TCF24: variants seen among roughly 807,000 people sequenced by gnomAD.
TCF24 encodes transcription factor 24.
In TCF24, 5 loss-of-function variants were observed where a neutral mutation model predicts 9.3. That is an observed-to-expected ratio of 0.54 (90% CI 0.28 to 1.13). TCF24 has a LOEUF of 1.13. Ranked by LOEUF, TCF24 falls within the 50% of genes most tolerant of loss-of-function variation. TCF24 has a pLI of 0.09. For synonymous variants in TCF24, 110 were observed against 115.8 expected, an observed-to-expected ratio of 0.95 and a Z score of 0.32; for missense variants, 220 against 236.1, an observed-to-expected ratio of 0.93 and a Z score of 0.45.
chr8:66,954,168 T>C (rs994980432), intron 3 of TCF24, among the ~76,000 whole-genome samples: 5 of 152,228 alleles, frequency 3.3e-5, no homozygotes, highest in Admixed American at 6.5e-5. Context: ...GGAGGAGAGG[T>C]GCTCTGCATT....
rs1411765265 is a variant in TCF24 at position 66,962,514 on chromosome 8, T to C, written c.-320A>G. On this transcript the variant is annotated 5_prime_UTR_variant, in exon 1 of 4. Transcript: ENST00000563496. ...TGCGGGCGCCCCGCGGCCAGGCGTG[T>C]GTGCTCCGACCGGCTAAGGCAGGTC... 1 of 152,422 alleles carries C rather than the reference T, an allele frequency of 6.6e-6. No homozygotes were observed. Among genetic ancestry groups the C allele is most frequent in the African/African-American group, 2.4e-5 (1 of 41,450 alleles). 9.4% of individuals were successfully genotyped at this position (152,422 alleles called of 1,614,324 possible).
At chr8:66,960,118 C>G (rs1289393708) in intron 3 of TCF24, among the ~76,000 whole-genome samples, 1 of 152,038 alleles carries the variant, frequency 6.6e-6, no homozygotes, top group South Asian at 2.1e-4. Flanking sequence ...ATGGTATATT[C>G]GAATAGCAAT....
At position 66,961,673 on chromosome 8, in the gene TCF24, C is replaced by A; in HGVS notation, c.93G>T (p.Arg31=). The A allele has an allele frequency of 9.0e-6, 10 of 1,112,402 alleles. No individual in the cohort carries two copies. Among genetic ancestry groups the A allele is most frequent in the South Asian group, 4.3e-5 (1 of 23,260 alleles). The allele number at this position is 1,112,402 out of a possible 1,614,324, so 68.9% of individuals were successfully genotyped here. ...AAAIRDSRPG[R]TGPGPAGPGG... is the part of the protein sequence containing the mutation. ...CAGGGCCCGCCGGCCCCGGCCCGGT[C>A]CGCCCGGGACGCGAGTCGCGGATGG... The change falls in exon 3 of 4, where the codon CGG becomes CGT. Residue 31 remains arginine (R), a synonymous_variant. Transcript: ENST00000563496.
chr8:66,957,645 T>C lies in TCF24; in HGVS notation c.390+3731A>G, dbSNP rs1421249690. 2.0e-5 allele frequency among the ~76,000 whole-genome samples: 3 copies of C among 152,080 alleles called. No homozygotes were observed. In the East Asian group the frequency reaches 5.8e-4, roughly 29 times the overall value. On this transcript the variant is annotated intron_variant, in intron 3 of 3. Transcript: ENST00000563496. ...TATTTTGTTATGGCAGACTAATACA[T>C]ATAGTGAATAGTGTAGCACAGATAT... is the stretch of plus-strand genomic sequence containing the variant.
intron 3 of TCF24, among the ~76,000 whole-genome samples, chr8:66,948,614 T>C (rs1813999769): frequency 6.6e-6 from 1 of 152,352 alleles, no homozygotes; most frequent in Admixed American, 6.5e-5. Flanking sequence ...TGTGGTATTA[T>C]GTGTCTATAG....
rs1217091468 is a variant in TCF24 at position 66,947,318 on chromosome 8, C to G, written c.*733G>C. The G allele has an allele frequency of 6.6e-6, 1 of 152,136 alleles. No individual in the cohort carries two copies. Among genetic ancestry groups the G allele is most frequent in the Admixed American group, 6.6e-5 (1 of 15,254 alleles). 9.4% of individuals were successfully genotyped at this position (152,136 alleles called of 1,614,324 possible). On this transcript the variant is annotated 3_prime_UTR_variant, in exon 4 of 4. Transcript: ENST00000563496. ...GCAACACAGTGAGACTCCATCTCTA[C>G]AAAAAATAAAAGAATTAGCCAGGTG...
At chr8:66,958,438 G>C (rs936879264) in intron 3 of TCF24, among the ~76,000 whole-genome samples, 1 of 152,170 alleles carries the variant, frequency 6.6e-6, no homozygotes, top group African/African-American at 2.4e-5. Flanking sequence ...GCTGAGGTGG[G>C]TGGATCATGA....
chr8:66,958,567 AG>A (rs1259760456), intron 3 of TCF24, among the ~76,000 whole-genome samples: 1 of 152,172 alleles, frequency 6.6e-6, no homozygotes, highest in African/African-American at 2.4e-5. Flanking sequence ...AAGCTGAGGC[AG>A]GGGAATCACT....
chr8:66,948,492 C>T (rs1169379493), intron 3 of TCF24, among the ~76,000 whole-genome samples: 1 of 151,944 alleles, frequency 6.6e-6, no homozygotes, highest in African/African-American at 2.4e-5. Context: ...TTAAACTAAA[C>T]CTAAAACAAA....
rs1448428827 is a variant in TCF24, at chr8:66,961,509, G to C, written c.257C>G (p.Ser86Cys). The C allele has an allele frequency of 1.1e-5, 17 of 1,523,324 alleles. No homozygotes were observed. In the African/African-American group the frequency reaches 2.3e-4, roughly 20 times the overall value. The allele number at this position is 1,523,324 out of a possible 1,614,324, so 94.4% of individuals were successfully genotyped here. A position where few individuals can be genotyped will look rare whatever the true frequency, so the allele number is the denominator to read the frequency against. ...GGCCAGCAGCAGCACGTCCAGCTTG[G>C]ACAGCTTGGTGTCGGGCGGCACGGA... Reference protein sequence around the residue: ...LPSVPPDTKLSKLDVLLLATT... With the variant: ...LPSVPPDTKLCKLDVLLLATT... The change falls in exon 3 of 4, where the codon TCC becomes TGC. Residue 86 changes from serine (S) to cysteine (C), a missense_variant. Transcript: ENST00000563496.
At position 66,947,109 on chromosome 8, in the gene TCF24, T is replaced by C. The variant is rs1484365091; in HGVS notation, c.*942A>G. 1 of 152,234 alleles carries C rather than the reference T, an allele frequency of 6.6e-6. No homozygotes were observed. 9.4% of individuals were successfully genotyped at this position (152,234 alleles called of 1,614,324 possible). ...TTAAATATGCAAGTACTTTTCTACA[T>C]ATTAATATGTAGAGAACTATTATAT... On this transcript the variant is annotated 3_prime_UTR_variant, in exon 4 of 4. Coordinates refer to ENST00000563496, the MANE Select transcript of TCF24 (RefSeq NM_001193502.2).
chr8:66,949,173 A>G (rs1814016204), intron 3 of TCF24, among the ~76,000 whole-genome samples: 1 of 151,660 alleles, frequency 6.6e-6, no homozygotes, highest in South Asian at 2.1e-4. Context: ...TTACATACGT[A>G]TACATGTGCC....
At chr8:66,951,555 C>T (rs1363132352) in intron 3 of TCF24, among the ~76,000 whole-genome samples, 1 of 152,124 alleles carries the variant, frequency 6.6e-6, no homozygotes, top group African/African-American at 2.4e-5. Context: ...CTAAAATTCT[C>T]TTTTTTGGTT....
chr8:66,959,032 T>C (rs1814213264), intron 3 of TCF24, among the ~76,000 whole-genome samples: 1 of 152,342 alleles, frequency 6.6e-6, no homozygotes, highest in African/African-American at 2.4e-5. Context: ...AGTGGTGCAA[T>C]GTAGCCACAA....
At chr8:66,948,886 G>T (rs548759854) in intron 3 of TCF24, among the ~76,000 whole-genome samples, 2 of 152,220 alleles carry the variant, frequency 1.3e-5, no homozygotes, top group East Asian at 3.9e-4. Flanking sequence ...AGTAGAGACA[G>T]GGTATTACCA....
intron 3 of TCF24, among the ~76,000 whole-genome samples, chr8:66,958,529 T>C (rs1398575424): frequency 6.6e-6 from 1 of 152,070 alleles, no homozygotes; most frequent in Non-Finnish European, 1.5e-5. Flanking sequence ...GGTGTGGTAT[T>C]GCACGCCTAT....
At position 66,961,994 on chromosome 8, in the gene TCF24, G is replaced by A. The variant is rs1436785098; in HGVS notation, c.-134-7C>T. The A allele has an allele frequency of 5.2e-6, 1 of 193,436 alleles. No homozygotes were observed. Among genetic ancestry groups the A allele is most frequent in the African/African-American group, 2.4e-5 (1 of 42,390 alleles). The allele number at this position is 193,436 out of a possible 1,614,324, so 12.0% of individuals were successfully genotyped here. A position where few individuals can be genotyped will look rare whatever the true frequency, so the allele number is the denominator to read the frequency against. On this transcript the variant is annotated splice_polypyrimidine_tract_variant and splice_region_variant and intron_variant, in intron 1 of 3. Transcript: ENST00000563496. Reference sequence around the variant, plus strand: ...TCCGGAGTTCTTGGGCTTCCTAGAAGGATAAGAAGAGGCGCAGTGCCGGCT... The same window carrying A: ...TCCGGAGTTCTTGGGCTTCCTAGAAAGATAAGAAGAGGCGCAGTGCCGGCT...
rs1039082886 is a variant in TCF24, at chr8:66,962,415, C to G, written c.-221G>C. ...CAGGGCCTGTGTGGCCAGGGCCGCG[C>G]TGGTCACTCCATCCTCGTCCGGCCG... On this transcript the variant is annotated 5_prime_UTR_variant, in exon 1 of 4. Coordinates refer to ENST00000563496, the MANE Select transcript of TCF24 (RefSeq NM_001193502.2). 6.6e-6 allele frequency: 1 copy of G among 152,444 alleles called. No homozygotes were observed. Among genetic ancestry groups the G allele is most frequent in the African/African-American group, 2.4e-5 (1 of 41,470 alleles). The allele number at this position is 152,444 out of a possible 1,614,324, so 9.4% of individuals were successfully genotyped here.
chr8:66,955,420 T>G (rs1026410771), intron 3 of TCF24, among the ~76,000 whole-genome samples: 14 of 151,876 alleles, frequency 9.2e-5, no homozygotes, highest in African/African-American at 3.4e-4. Flanking sequence ...GTCAGCAATC[T>G]GGTCCCACAC....
Sources: allele counts gnomAD v4.1 joint callset (sites outside exome capture counted in the v4.1 genomes callset), GRCh38; gene constraint gnomAD v4.1.1; transcripts MANE v1.5; gene names NCBI Gene and HGNC (gene_info 2026-07-23, HGNC 2026-07-21).